PRPF40B: variants seen among roughly 807,000 people sequenced by gnomAD.
The protein encoded by PRPF40B is pre-mRNA processing factor 40B, also known as pre-mRNA-processing factor 40 homolog B.
PRPF40B carries 56 observed loss-of-function variants against 124.5 expected under a neutral mutation model. That is an observed-to-expected ratio of 0.45 (90% confidence interval 0.36 to 0.56). The LOEUF (loss-of-function observed/expected upper bound fraction) is 0.56, where lower values mean the gene tolerates loss of function less well. Among genes scored for constraint, PRPF40B ranks in the 20% least tolerant of loss-of-function variants. The pLI, the probability that PRPF40B is intolerant of heterozygous loss-of-function variation, is 0.00. For missense variants in PRPF40B, 1,053 were observed against 1,169.5 expected, an observed-to-expected ratio of 0.90 and a Z score of 1.45; for synonymous variants, 443 against 426.4, an observed-to-expected ratio of 1.04 and a Z score of -0.48.
Position 49,631,960 on chromosome 12 carries a change from C to T in PRPF40B, c.294+35C>T, listed in dbSNP as rs1478081572. ...AGGGGCCAGCAGGTAGCAGGCTCTG[C>T]CCTGCAGTCCCGTGAGTCTGACTTG... On this transcript the variant is annotated intron_variant, in intron 4 of 25. Coordinates refer to ENST00000548825, the MANE Select transcript of PRPF40B (RefSeq NM_001031698.3). The surrounding 1 kb of genome is among the most constrained non-coding windows in gnomAD (Gnocchi z 4.3). The T allele has an allele frequency of 1.9e-6, 3 of 1,589,496 alleles. No individual in the cohort carries two copies. The highest frequency in any genetic ancestry group is 1.7e-6 in the Non-Finnish European group (2 of 1,157,908).
Position 49,642,608 on chromosome 12 carries a change from C to T in PRPF40B, c.2051C>T (p.Ala684Val). Reference protein sequence around the residue: ...EVRERFVCDSAFEQITLESER... With the variant: ...EVRERFVCDSVFEQITLESER... ...CGTGAGCGTTTTGTGTGTGACTCAG[C>T]CTTTGAGCAGATCACCCTGGAGTCG... The change falls in exon 21 of 26, where the codon GCC becomes GTC. Residue 684 changes from alanine to valine, a missense_variant. Physicochemically the swap from Ala to Val is moderately conservative, Grantham distance 64. Coordinates refer to ENST00000548825, the MANE Select transcript of PRPF40B (RefSeq NM_001031698.3). The surrounding 1 kb of genome is among the most constrained non-coding windows in gnomAD (Gnocchi z 5.8). 1.9e-6 allele frequency: 3 copies of T among 1,614,226 alleles called. No homozygotes were observed. Among genetic ancestry groups the T allele is most frequent in the Non-Finnish European group, 2.5e-6 (3 of 1,180,036 alleles).
chr12:49,624,884 G>A (rs928755313), intron 1 of PRPF40B, among the ~76,000 whole-genome samples: 1 of 151,834 alleles, frequency 6.6e-6, no homozygotes, highest in African/African-American at 2.4e-5. Flanking sequence ...ATACTTTCTA[G>A]TAAGGCAGAT....
upstream of PRPF40B, chr12:49,623,525 T>G: frequency 8.1e-7 from 1 of 1,241,856 alleles, no homozygotes; most frequent in Non-Finnish European, 1.0e-6. Context: ...GGCTGCGGCC[T>G]GGCCAATCAG....
intron 4 of PRPF40B, chr12:49,632,263 G>C (rs1941294649): frequency 1.7e-6 from 1 of 576,000 alleles, no homozygotes; most frequent in Non-Finnish European, 3.1e-6. Flanking sequence ...AGCACCTGGG[G>C]ATCTTGCTGT....
At chr12:49,632,477 G>A (rs1941314145) in intron 4 of PRPF40B, 119 bp from the exon 5 acceptor site, 1 of 1,095,556 alleles carries the variant, frequency 9.1e-7, no homozygotes, top group South Asian at 1.5e-5. Flanking sequence ...AGGGAGCAGA[G>A]ATCTCTAGGA....
In PRPF40B at chr12:49,636,984, C is replaced by G. The variant is rs1032010843; in HGVS notation, c.1560+135C>G. 1.6e-5 allele frequency: 21 copies of G among 1,298,570 alleles called. No individual in the cohort carries two copies. In the African/African-American group the frequency reaches 2.6e-4, roughly 16 times the overall value. 80.4% of individuals were successfully genotyped at this position (1,298,570 alleles called of 1,614,324 possible). A position where few individuals can be genotyped will look rare whatever the true frequency, so the allele number is the denominator to read the frequency against. ...GCCCTGTCCAAGCTCTATGAGACCT[C>G]TCTCTGCCTGCAGTCTGTTTCTGCT... On this transcript the variant is annotated intron_variant, in intron 16 of 25. Coordinates refer to ENST00000548825, the MANE Select transcript of PRPF40B (RefSeq NM_001031698.3).
chr12:49,643,292 C>T lies in PRPF40B; in HGVS notation c.2275C>T (p.Pro759Ser). The T allele has an allele frequency of 6.2e-7, 1 of 1,613,334 alleles. No individual in the cohort carries two copies. The highest frequency in any genetic ancestry group is 8.5e-7 in the Non-Finnish European group (1 of 1,179,770). The stretch of plus-strand genomic sequence containing the variant: ...GCCCCCCAAGCGGAGGAGGCGGAAC[C>T]CCTCAGAGTCAGGCTCTGAGCCCTC... ...LRPPKRRRRN[P>S]SESGSEPSSS... Residue 759 changes from proline to serine, a missense_variant, in exon 23 of 26, where the codon CCC becomes TCC. Physicochemically the swap from Pro to Ser is moderately conservative, Grantham distance 74. Coordinates refer to ENST00000548825, the MANE Select transcript of PRPF40B (RefSeq NM_001031698.3).
chr12:49,633,180 C>A, intron 7 of PRPF40B, 56 bp downstream of exon 7: 1 of 1,456,280 alleles, frequency 6.9e-7, no homozygotes, highest in South Asian at 1.2e-5. Flanking sequence ...CTTCCAAGTC[C>A]TTGGCCTTCC....
intron 1 of PRPF40B, chr12:49,623,948 A>T (rs1940456611): frequency 9.0e-7 from 1 of 1,109,430 alleles, no homozygotes; most frequent in South Asian, 4.5e-5. Context: ...ACAGGTGGGG[A>T]CCAGTTTCCC....
chr12:49,625,309 C>T (rs1940608994), intron 1 of PRPF40B, among the ~76,000 whole-genome samples: 1 of 152,214 alleles, frequency 6.6e-6, no homozygotes, highest in Non-Finnish European at 1.5e-5. Flanking sequence ...GGATTCCAAA[C>T]CTGCCTCTCC....
Position 49,637,319 on chromosome 12 carries a change from A to G in PRPF40B, c.1561-151A>G, listed in dbSNP as rs544654415. 1.6e-3 allele frequency: 987 copies of G among 620,490 alleles called. 2 individuals carry two copies. The highest frequency in any genetic ancestry group is 2.3e-3 in the Non-Finnish European group (792 of 346,638). 38.4% of individuals were successfully genotyped at this position (620,490 alleles called of 1,614,324 possible). On this transcript the variant is annotated intron_variant, in intron 16 of 25. Transcript: ENST00000548825. ...CTTTTTGCATTGTTCTCAGCCTTCC[A>G]TCTGCATCTCTTCATCTCTGCCTCT...
chr12:49,630,133 A>T (rs1941079856), intron 1 of PRPF40B, among the ~76,000 whole-genome samples: 1 of 151,622 alleles, frequency 6.6e-6, no homozygotes, highest in African/African-American at 2.4e-5. Flanking sequence ...AAAAGAGGCG[A>T]CTCCCTCCCT....
chr12:49,643,367 G>A lies in PRPF40B; in HGVS notation c.2350G>A (p.Gly784Ser). ...ESGGAALGGRGSPSSHLLGAD... is the reference protein window; with the variant it reads ...ESGGAALGGRSSPSSHLLGAD... ...TGGGGGTGCTGCCCTTGGAGGACGG[G>A]GCTCCCCTTCCTCCCATCTTCTTGG... The change falls in exon 23 of 26, where the codon GGC (glycine) becomes AGC (serine). Residue 784 changes from glycine (G) to serine (S), a missense_variant. Gly to Ser is a moderately conservative substitution (Grantham distance 56). Coordinates refer to ENST00000548825, the MANE Select transcript of PRPF40B (RefSeq NM_001031698.3). 5 of 1,579,630 alleles carry A rather than the reference G, an allele frequency of 3.2e-6. No individual in the cohort carries two copies. The highest frequency in any genetic ancestry group is 4.3e-6 in the Non-Finnish European group (5 of 1,163,926).
At chr12:49,630,193 G>A (rs1362294031) in intron 1 of PRPF40B, among the ~76,000 whole-genome samples, 1 of 152,266 alleles carries the variant, frequency 6.6e-6, no homozygotes, top group African/African-American at 2.4e-5. Context: ...GAGAGGCACA[G>A]CCTTGCCCAC....
chr12:49,634,102 G>GC lies in PRPF40B; in HGVS notation c.812+16dup, dbSNP rs781702830. Reference sequence around the variant, plus strand: ...AGGAGGGCCCCAGCAGGTGAGGGCTGCCCCCCATGGCATTCCCAATGTTGG... The same window carrying GC: ...AGGAGGGCCCCAGCAGGTGAGGGCTGCCCCCCCATGGCATTCCCAATGTTGG... On this transcript the variant is annotated intron_variant, in intron 10 of 25. Transcript: ENST00000548825. The GC allele has an allele frequency of 1.2e-5, 19 of 1,608,182 alleles. No homozygotes were observed. The African/African-American group carries it at 2.3e-4, about 19-fold the overall frequency.
At chr12:49,633,376 G>T (rs1941429313) in intron 7 of PRPF40B, 51 bp from the exon 8 acceptor site, 1 of 1,611,804 alleles carries the variant, frequency 6.2e-7, no homozygotes, top group South Asian at 1.1e-5. Flanking sequence ...CCCCTGACTG[G>T]CTGGAGAACT....
chr12:49,634,179 C>T, intron 10 of PRPF40B, 87 bp downstream of exon 10: 1 of 1,574,906 alleles, frequency 6.3e-7, no homozygotes, highest in Non-Finnish European at 8.6e-7. Context: ...GCCTCTCTCT[C>T]AGGAGGGGTT....
Position 49,631,926 on chromosome 12 carries a change from G to A in PRPF40B, c.294+1G>A. On this transcript the variant is annotated splice_donor_variant, in intron 4 of 25. Transcript: ENST00000548825. LOFTEE classifies it high-confidence loss of function. This position sits in a 1 kb window ranked among gnomAD's most constrained non-coding sequence, Gnocchi z 4.3. ...GCCAGCGGTGCCTGTCACCGCAGCGGTAAGCACTAGGGGCCAGCAGGTAGC... is the reference window on the plus strand; with the variant it reads ...GCCAGCGGTGCCTGTCACCGCAGCGATAAGCACTAGGGGCCAGCAGGTAGC... 6.2e-7 allele frequency: 1 copy of A among 1,614,026 alleles called. No individual in the cohort carries two copies. The highest frequency in any genetic ancestry group is 8.5e-7 in the Non-Finnish European group (1 of 1,179,886).
chr12:49,633,007 C>CT lies in PRPF40B; in HGVS notation c.349-7_349-6insT. The CT allele has an allele frequency of 1.8e-6, 2 of 1,082,512 alleles. No homozygotes were observed. Among genetic ancestry groups the CT allele is most frequent in the Non-Finnish European group, 1.3e-6 (1 of 747,226 alleles). 67.1% of individuals were successfully genotyped at this position (1,082,512 alleles called of 1,614,324 possible). A position where few individuals can be genotyped will look rare whatever the true frequency, so the allele number is the denominator to read the frequency against. On this transcript the variant is annotated splice_polypyrimidine_tract_variant and splice_region_variant and intron_variant, in intron 6 of 25. Transcript: ENST00000548825. ...GACCACCATTCTGTGCCCCCCCCCC[C>CT]ACCCAGAGGGCCCTATGGAGTGAGC...
Sources: gnomAD v4.1 joint callset for allele counts (sites outside exome capture counted in the v4.1 genomes callset) on GRCh38, gnomAD v4.1.1 for gene constraint, Gnocchi (gnomAD v3.1) non-coding constraint, MANE v1.5 for transcripts, NCBI Gene and HGNC (gene_info 2026-07-23, HGNC 2026-07-21) for gene names.